Variants in PCDH11X observed in about 807,000 individuals in gnomAD.
PCDH11X encodes protocadherin-11 X-linked.
In PCDH11X, 18 loss-of-function variants were observed where a neutral mutation model predicts 53.3. That is an observed-to-expected ratio of 0.34 (90% CI 0.23 to 0.50). The LOEUF (loss-of-function observed/expected upper bound fraction) is 0.50. Ranked by LOEUF, PCDH11X falls within the 20% of genes least tolerant of loss-of-function variation. The probability of loss-of-function intolerance (pLI) is 0.98; values close to 1 mark genes in which losing one functional copy is unlikely to be tolerated. For synonymous variants in PCDH11X, 279 were observed against 393.3 expected (o/e 0.71, Z 3.44); for missense variants, 570 against 1,032.4 (o/e 0.55, Z 6.14).
chrX:92,301,206 A>G (rs1603262546), intron 8 of PCDH11X, among the ~76,000 whole-genome samples: 1 of 109,947 alleles, frequency 9.1e-6, no homozygotes, highest in South Asian at 4.0e-4. Context: ...ATGATGCGGG[A>G]TCCTGCAGGC....
intron 6 of PCDH11X, among the ~76,000 whole-genome samples, chrX:92,122,078 G>A (rs1280269967): frequency 9.5e-6 from 1 of 104,884 alleles, no homozygotes; most frequent in Non-Finnish European, 1.9e-5. Flanking sequence ...TCCACCTCCT[G>A]GGTTCAAGCT....
chrX:91,810,445 C>G (rs1242192039), intron 2 of PCDH11X, 28 bp from the exon 3 acceptor site: 1 of 111,728 alleles, frequency 9.0e-6, no homozygotes, highest in Non-Finnish European at 1.9e-5. Flanking sequence ...TTCTTGAAAG[C>G]CAACTGAAAG....
intron 8 of PCDH11X, among the ~76,000 whole-genome samples, chrX:92,376,666 G>A (rs987527164): frequency 2.3e-4 from 26 of 111,752 alleles, no homozygotes; most frequent in Admixed American, 8.5e-4. Flanking sequence ...GCAAATGTTC[G>A]GAGTGCGCTA....
chrX:92,453,305 T>C (rs1423594910), intron 9 of PCDH11X, among the ~76,000 whole-genome samples: 3 of 110,696 alleles, frequency 2.7e-5, no homozygotes, highest in Non-Finnish European at 5.7e-5. Context: ...TAGAAACTCA[T>C]AGCAAATATT....
intron 9 of PCDH11X, among the ~76,000 whole-genome samples, chrX:92,402,253 C>T (rs2071402908): frequency 9.0e-6 from 1 of 111,381 alleles, no homozygotes; most frequent in African/African-American, 3.3e-5. Context: ...ATCAAACTAC[C>T]GATTACATTC....
intron 6 of PCDH11X, among the ~76,000 whole-genome samples, chrX:91,887,573 A>G (rs1369160314): frequency 1.8e-5 from 2 of 112,165 alleles, no homozygotes; most frequent in Admixed American, 1.9e-4. Context: ...AGAAAAATCT[A>G]GAAAATTGTA....
intron 7 of PCDH11X, among the ~76,000 whole-genome samples, chrX:92,210,301 C>G: frequency 1.2e-5 from 1 of 84,143 alleles, no homozygotes; most frequent in Non-Finnish European, 2.1e-5. Flanking sequence ...TACAGTGGTG[C>G]GATCTCAGCT....
At chrX:92,249,313 C>T (rs1442611136) in intron 7 of PCDH11X, among the ~76,000 whole-genome samples, 2 of 111,622 alleles carry the variant, frequency 1.8e-5, no homozygotes, top group African/African-American at 6.5e-5. Flanking sequence ...CTTTAATAGA[C>T]ACAATATACA....
At chrX:92,191,925 T>C (rs1193773110) in intron 6 of PCDH11X, among the ~76,000 whole-genome samples, 1 of 111,840 alleles carries the variant, frequency 8.9e-6, no homozygotes. Context: ...AACAGATTTC[T>C]CAGGGACAAG....
At chrX:92,106,128 A>T (rs1483183807) in intron 6 of PCDH11X, among the ~76,000 whole-genome samples, 1 of 109,749 alleles carries the variant, frequency 9.1e-6, no homozygotes, top group African/African-American at 3.4e-5. Flanking sequence ...ATTTATCCAT[A>T]TTTCTAGAAA....
intron 6 of PCDH11X, chrX:92,113,153 A>G: frequency 3.2e-6 from 3 of 925,222 alleles, no homozygotes; most frequent in Non-Finnish European, 4.3e-6. Context: ...CAAGATGTCT[A>G]TCCCTTGGCT....
In PCDH11X at chrX:92,314,710, CCA is replaced by C. The variant is rs757245604; in HGVS notation, c.3144+51570_3144+51571del. ...TCAGCTCCATTATAATCTTATGGAA[CCA>C]CAGTCATATATGTAATCTGTCGCTG... is the stretch of plus-strand genomic sequence containing the variant. On this transcript the variant is annotated intron_variant, in intron 8 of 10. Transcript: ENST00000682573. Among the ~76,000 whole-genome samples, 58 of 110,281 alleles carry C rather than the reference CCA, an allele frequency of 5.3e-4. 1 individual carries two copies. The highest frequency in any genetic ancestry group is 1.6e-3 in the South Asian group (4 of 2,574).
chrX:92,058,771 TA>T (rs201336333), intron 6 of PCDH11X, among the ~76,000 whole-genome samples: 7,083 of 107,404 alleles, frequency 0.066, 417 homozygotes, highest in East Asian at 0.41. Context: ...AGATTTACAG[TA>T]AAAAAACAGA....
chrX:92,513,444 G>A (rs1346938511), intron 10 of PCDH11X, among the ~76,000 whole-genome samples: 1 of 110,648 alleles, frequency 9.0e-6, no homozygotes, highest in African/African-American at 3.3e-5. Flanking sequence ...CGCATAGTGA[G>A]TAATTCCTTA....
chrX:92,277,903 G>C (rs761508035), intron 8 of PCDH11X, among the ~76,000 whole-genome samples: 1 of 111,289 alleles, frequency 9.0e-6, no homozygotes, highest in African/African-American at 3.3e-5. Context: ...CCAGAAAAGC[G>C]GGACTTGCCG....
intron 6 of PCDH11X, chrX:91,884,005 C>A (rs1380763177): frequency 4.1e-6 from 2 of 487,250 alleles, no homozygotes; most frequent in African/African-American, 5.7e-5. Context: ...GTCTGGCCAA[C>A]ATGGCGAAAC....
intron 6 of PCDH11X, among the ~76,000 whole-genome samples, chrX:92,192,297 G>A (rs969593256): frequency 2.7e-5 from 3 of 112,010 alleles, no homozygotes; most frequent in Non-Finnish European, 5.6e-5. Flanking sequence ...AAAACTATAA[G>A]TTCATGATTT....
At chrX:92,350,115 G>T (rs2070007584) in intron 8 of PCDH11X, among the ~76,000 whole-genome samples, 1 of 110,296 alleles carries the variant, frequency 9.1e-6, no homozygotes, top group Non-Finnish European at 1.9e-5. Context: ...TTTCACTGAA[G>T]ATTTCTCCCC....
chrX:92,280,820 G>A (rs2148444401), intron 8 of PCDH11X, among the ~76,000 whole-genome samples: 1 of 110,501 alleles, frequency 9.0e-6, no homozygotes, highest in African/African-American at 3.3e-5. Context: ...GTAAACTGGG[G>A]AGAAAACTTT....
Sources: allele counts gnomAD v4.1 joint callset (sites outside exome capture counted in the v4.1 genomes callset), GRCh38; gene constraint gnomAD v4.1.1; transcripts MANE v1.5; gene names NCBI Gene and HGNC (gene_info 2026-07-23, HGNC 2026-07-21).